Variants in CCDC146 observed in about 807,000 individuals in gnomAD.
CCDC146 encodes coiled-coil domain containing 146.
CCDC146 carries 92 observed loss-of-function variants against 119.3 expected under a neutral mutation model. The observed-to-expected ratio is 0.77, with a 90% confidence interval of 0.65 to 0.92. CCDC146 has a LOEUF of 0.92. Among genes scored for constraint, CCDC146 ranks in the 40% least tolerant of loss-of-function variants. The pLI, the probability that CCDC146 is intolerant of heterozygous loss-of-function variation, is 0.00. For synonymous variants in CCDC146, 372 were observed against 371.8 expected (o/e 1.00, Z -0.01); for missense variants, 1,000 against 1,103.0 (o/e 0.91, Z 1.32).
chr7:77,280,586 A>G lies in CCDC146; in HGVS notation c.1852A>G (p.Met618Val), dbSNP rs376608993. Residue 618 changes from methionine (M) to valine (V), a missense_variant, in exon 14 of 19, where the codon ATG becomes GTG. Transcript: ENST00000285871. ...TGACAGACTTGCCAACACGATCACA[A>G]TGATCGAAGAGGAGATGGTGCAGCT... The part of the protein sequence containing the change: ...NIDRLANTIT[M>V]IEEEMVQLRK... The G allele has an allele frequency of 1.4e-5, 23 of 1,614,032 alleles. No homozygotes were observed. Among genetic ancestry groups the G allele is most frequent in the South Asian group, 5.5e-5 (5 of 91,068 alleles).
intron 2 of CCDC146, among the ~76,000 whole-genome samples, chr7:77,191,858 C>T (rs1484054446): frequency 5.3e-5 from 8 of 152,056 alleles, no homozygotes; most frequent in East Asian, 1.9e-4. Flanking sequence ...TGCAGTGAGC[C>T]GAGATGGTGC....
rs567763018 is a variant in CCDC146, at chr7:77,256,556, A to T, written c.684+47A>T. The T allele has an allele frequency of 6.7e-6, 10 of 1,490,720 alleles. No individual in the cohort carries two copies. In the South Asian group the frequency reaches 1.1e-4, roughly 17 times the overall value. 92.3% of individuals were successfully genotyped at this position (1,490,720 alleles called of 1,614,324 possible). ...TTTAAACATTGTGCCTTGCATGGAT[A>T]TAAAAGTGTGTGGGTATCAAGAGTA... On this transcript the variant is annotated intron_variant, in intron 6 of 18. Coordinates refer to ENST00000285871, the MANE Select transcript of CCDC146 (RefSeq NM_020879.3).
chr7:77,201,773 C>G (rs1791994600), intron 2 of CCDC146, among the ~76,000 whole-genome samples: 2 of 152,056 alleles, frequency 1.3e-5, no homozygotes, highest in African/African-American at 4.8e-5. Context: ...AACTTTTTAG[C>G]TAAAAATATC....
intron 2 of CCDC146, among the ~76,000 whole-genome samples, chr7:77,207,525 A>T (rs1201266559): frequency 1.3e-5 from 2 of 152,208 alleles, no homozygotes; most frequent in Non-Finnish European, 2.9e-5. Context: ...GCACAAGAAA[A>T]CAGCAAAATA....
intron 4 of CCDC146, among the ~76,000 whole-genome samples, chr7:77,244,397 C>T (rs1792906798): frequency 6.6e-6 from 1 of 152,194 alleles, no homozygotes; most frequent in African/African-American, 2.4e-5. Context: ...TCACTCACCA[C>T]TCACTCACTC....
intron 1 of CCDC146, among the ~76,000 whole-genome samples, chr7:77,133,209 T>G (rs1790811699): frequency 6.6e-6 from 1 of 152,150 alleles, no homozygotes; most frequent in Non-Finnish European, 1.5e-5. Flanking sequence ...TCAGTGCGAT[T>G]CCTGATAAAA....
chr7:77,202,188 C>A (rs1792004278), intron 2 of CCDC146, among the ~76,000 whole-genome samples: 1 of 152,248 alleles, frequency 6.6e-6, no homozygotes. Context: ...CCTCTGCATG[C>A]AAAACCGCTA....
intron 1 of CCDC146, among the ~76,000 whole-genome samples, chr7:77,160,679 TG>T (rs1485358106): frequency 6.6e-6 from 1 of 152,216 alleles, no homozygotes; most frequent in African/African-American, 2.4e-5. Flanking sequence ...GCTGAGACCA[TG>T]GGGTTTTCTA....
chr7:77,192,871 C>T (rs780038104), intron 2 of CCDC146, among the ~76,000 whole-genome samples: 19 of 151,734 alleles, frequency 1.3e-4, no homozygotes, highest in Non-Finnish European at 2.2e-4. Context: ...TGCAGTGAGC[C>T]GAGATCTCGC....
At chr7:77,275,619 G>A (rs1233959205) in intron 11 of CCDC146, among the ~76,000 whole-genome samples, 1 of 152,158 alleles carries the variant, frequency 6.6e-6, no homozygotes, top group African/African-American at 2.4e-5. Flanking sequence ...CAACTCAAGA[G>A]TGGTAGCATT....
chr7:77,229,759 T>C (rs1792586076), intron 2 of CCDC146, among the ~76,000 whole-genome samples: 1 of 151,758 alleles, frequency 6.6e-6, no homozygotes, highest in Non-Finnish European at 1.5e-5. Flanking sequence ...TACAATTGTA[T>C]CTCTTTTACA....
rs1316359405 is a variant in CCDC146, at chr7:77,130,746, G to C, written c.-12+8014G>C. ...CCCGTGTAGCTGGGACTACAGGCGC[G>C]CGCCACCATGCCCGGCTAATTTTTG... On this transcript the variant is annotated intron_variant, in intron 1 of 18. Transcript: ENST00000285871. Among the ~76,000 whole-genome samples the C allele has an allele frequency of 2.7e-5, 4 of 146,344 alleles. No individual in the cohort carries two copies. The South Asian group carries it at 6.5e-4, about 24-fold the overall frequency.
intron 2 of CCDC146, among the ~76,000 whole-genome samples, chr7:77,208,709 A>G (rs57152910): frequency 0.071 from 10,821 of 152,134 alleles, 1,049 homozygotes; most frequent in African/African-American, 0.22. Context: ...AATCTCCCAT[A>G]TACAAATCAG....
At chr7:77,122,923 T>C (rs1584006638) in intron 1 of CCDC146, among the ~76,000 whole-genome samples, 191 bp downstream of exon 1, 1 of 151,900 alleles carries the variant, frequency 6.6e-6, no homozygotes, top group East Asian at 1.9e-4. Context: ...TTCCCTCCTA[T>C]ATTCCAAATA....
chr7:77,208,841 G>A (rs1792126483), intron 2 of CCDC146, among the ~76,000 whole-genome samples: 1 of 152,150 alleles, frequency 6.6e-6, no homozygotes, highest in Non-Finnish European at 1.5e-5. Flanking sequence ...CCAAGTAGCT[G>A]GCACTGCAGG....
At chr7:77,190,699 A>G (rs1458128189) in intron 2 of CCDC146, among the ~76,000 whole-genome samples, 4 of 152,216 alleles carry the variant, frequency 2.6e-5, no homozygotes, top group Admixed American at 1.3e-4. Context: ...CCAGTCAATC[A>G]ACAAAGGAGA....
At chr7:77,171,874 A>G (rs1448135982) in intron 2 of CCDC146, among the ~76,000 whole-genome samples, 2 of 152,258 alleles carry the variant, frequency 1.3e-5, no homozygotes, top group Non-Finnish European at 2.9e-5. Flanking sequence ...GCAAAATTAA[A>G]GAACTTAGGA....
intron 2 of CCDC146, among the ~76,000 whole-genome samples, chr7:77,227,019 A>G (rs1210316749): frequency 1.3e-5 from 2 of 152,192 alleles, no homozygotes; most frequent in Non-Finnish European, 2.9e-5. Flanking sequence ...TTTTTTTAAG[A>G]GAGATTTGTT....
intron 9 of CCDC146, among the ~76,000 whole-genome samples, chr7:77,264,793 G>C (rs1373475024): frequency 1.3e-5 from 2 of 152,018 alleles, no homozygotes; most frequent in African/African-American, 4.8e-5. Flanking sequence ...TTCCTTCCTT[G>C]GGATTAATCA....
Sources: gnomAD v4.1 joint callset for allele counts (sites outside exome capture counted in the v4.1 genomes callset) on GRCh38, gnomAD v4.1.1 for gene constraint, MANE v1.5 for transcripts, NCBI Gene and HGNC (gene_info 2026-07-23, HGNC 2026-07-21) for gene names.